The following GRHL2 variants were observed in gnomAD, a reference collection of about 807,000 sequenced individuals.
The protein encoded by GRHL2 is grainyhead-like protein 2 homolog.
GRHL2 carries 21 observed loss-of-function variants against 83.8 expected under a neutral mutation model. That is an observed-to-expected ratio of 0.25 (90% CI 0.18 to 0.36). GRHL2 has a LOEUF of 0.36. Among genes scored for constraint, GRHL2 ranks in the 10% least tolerant of loss-of-function variants. The probability of loss-of-function intolerance (pLI) is 1.00; values close to 1 mark genes in which losing one functional copy is unlikely to be tolerated. For missense variants in GRHL2, 623 were observed against 781.8 expected, an observed-to-expected ratio of 0.80 and a Z score of 2.42; for synonymous variants, 280 against 278.9, an observed-to-expected ratio of 1.00 and a Z score of -0.04.
chr8:101,619,603 C>T lies in GRHL2; in HGVS notation c.1163C>T (p.Pro388Leu), dbSNP rs1812922613. 6.2e-7 allele frequency: 1 copy of T among 1,613,242 alleles called. No individual in the cohort carries two copies. Among genetic ancestry groups the T allele is most frequent in the Admixed American group, 1.7e-5 (1 of 59,994 alleles). The change falls in exon 9 of 16, where the codon CCT becomes CTT. Residue 388 changes from proline (P) to leucine (L), a missense_variant. Transcript: ENST00000646743. ...TCCCAAAAAGGGGTGAAAGGACTTC[C>T]TTTGATGATTCAGATTGACACATAC... ...FSSQKGVKGL[P>L]LMIQIDTYSY...
rs7816116 is a variant in GRHL2, at chr8:101,600,924, A to G, written c.1098+1773A>G. Among the ~76,000 whole-genome samples, 1,203 of 152,280 alleles carry G rather than the reference A, an allele frequency of 7.9e-3. 33 individuals are homozygous for G. In the East Asian group the frequency reaches 0.11, roughly 13 times the overall value. On this transcript the variant is annotated intron_variant, in intron 8 of 15. Coordinates refer to ENST00000646743, the MANE Select transcript of GRHL2 (RefSeq NM_024915.4). ...TGTAACCCCAGCACTTTGAGAGGCC[A>G]AGGTGGGAGGATCCTTGAGGCCAGA... is the stretch of plus-strand genomic sequence containing the variant.
chr8:101,644,996 C>A (rs1262338987), intron 13 of GRHL2, among the ~76,000 whole-genome samples: 1 of 152,090 alleles, frequency 6.6e-6, no homozygotes, highest in Admixed American at 6.5e-5. Context: ...TACAGGCATG[C>A]ACCACCATGT....
chr8:101,571,380 G>A (rs1411810221), intron 5 of GRHL2, among the ~76,000 whole-genome samples: 1 of 152,000 alleles, frequency 6.6e-6, no homozygotes, highest in Non-Finnish European at 1.5e-5. Context: ...TGGCAGCTGG[G>A]CGTGGTGGCT....
chr8:101,493,153 C>T (rs940675095), intron 1 of GRHL2, among the ~76,000 whole-genome samples: 2 of 152,108 alleles, frequency 1.3e-5, no homozygotes, highest in Admixed American at 1.3e-4. Context: ...TAGCTGCTCC[C>T]ACCGATCTGG....
intron 2 of GRHL2, among the ~76,000 whole-genome samples, chr8:101,547,508 A>G (rs1811290519): frequency 6.6e-6 from 1 of 152,188 alleles, no homozygotes; most frequent in African/African-American, 2.4e-5. Context: ...AACGTGGCAA[A>G]GGCATACCTT....
chr8:101,615,832 C>CT (rs1442396775), intron 8 of GRHL2, among the ~76,000 whole-genome samples: 1 of 152,160 alleles, frequency 6.6e-6, no homozygotes. Context: ...CCTAGCACAG[C>CT]TTCAGGAACT....
intron 1 of GRHL2, among the ~76,000 whole-genome samples, chr8:101,495,626 A>G (rs1343316489): frequency 6.6e-6 from 1 of 152,160 alleles, no homozygotes; most frequent in Non-Finnish European, 1.5e-5. Flanking sequence ...GTACTATGTG[A>G]TTTGATACTC....
At chr8:101,591,008 A>T (rs1812269469) in intron 7 of GRHL2, among the ~76,000 whole-genome samples, 1 of 152,260 alleles carries the variant, frequency 6.6e-6, no homozygotes, top group Non-Finnish European at 1.5e-5. Context: ...AGGTGGAGGA[A>T]TTAACACTGC....
chr8:101,497,864 G>T (rs1810139824), intron 1 of GRHL2, among the ~76,000 whole-genome samples: 1 of 152,188 alleles, frequency 6.6e-6, no homozygotes, highest in African/African-American at 2.4e-5. Context: ...CTTCAGATAT[G>T]ATTTTAACAT....
At chr8:101,678,749 T>C in the GRHL2 span, among the ~76,000 whole-genome samples, 839 of 151,976 alleles carry the variant, frequency 5.5e-3, 1 homozygote, top group African/African-American at 0.019. Flanking sequence ...ACGGGCAGAC[T>C]GCCTCCTCAA....
chr8:101,568,336 C>A (rs539946609), intron 4 of GRHL2, among the ~76,000 whole-genome samples: 2 of 152,372 alleles, frequency 1.3e-5, no homozygotes, highest in Non-Finnish European at 2.9e-5. Context: ...CATTTGTACT[C>A]ATCGTTTTTG....
At chr8:101,499,436 T>G (rs1409972184) in intron 1 of GRHL2, among the ~76,000 whole-genome samples, 2 of 150,454 alleles carry the variant, frequency 1.3e-5, no homozygotes, top group African/African-American at 5.0e-5. Flanking sequence ...AATGTCACTT[T>G]CCTGGTTTTT....
chr8:101,617,159 C>T (rs1268327068), intron 8 of GRHL2, among the ~76,000 whole-genome samples: 2 of 152,018 alleles, frequency 1.3e-5, no homozygotes, highest in Non-Finnish European at 2.9e-5. Flanking sequence ...TGATGGTCCT[C>T]GTGTTGTACC....
chr8:101,569,205 T>C (rs533622939), intron 4 of GRHL2, among the ~76,000 whole-genome samples: 1 of 152,302 alleles, frequency 6.6e-6, no homozygotes, highest in African/African-American at 2.4e-5. Context: ...GGGCTTTTGG[T>C]CGTCTACTTT....
In GRHL2 at chr8:101,619,442, G is replaced by C. The variant is rs1360355877; in HGVS notation, c.1099-97G>C. ...AAATATTCTTCAGTTGTCTTTATGG[G>C]GTTGTTTAGTATTTTGACTTAAAGT... On this transcript the variant is annotated intron_variant, in intron 8 of 15. Coordinates refer to ENST00000646743, the MANE Select transcript of GRHL2 (RefSeq NM_024915.4). 1.7e-5 allele frequency: 17 copies of C among 972,202 alleles called. No homozygotes were observed. In the East Asian group the frequency reaches 3.8e-4, roughly 22 times the overall value. The allele number at this position is 972,202 out of a possible 1,614,324, so 60.2% of individuals were successfully genotyped here.
chr8:101,564,812 CAAAAA>C (rs3035637), intron 4 of GRHL2, among the ~76,000 whole-genome samples: 1 of 109,768 alleles, frequency 9.1e-6, no homozygotes, highest in African/African-American at 3.6e-5. Flanking sequence ...GCCCTGTCTC[CAAAAA>C]AAAAAAAAAA....
chr8:101,596,076 C>T (rs1812384099), intron 7 of GRHL2, among the ~76,000 whole-genome samples: 3 of 151,794 alleles, frequency 2.0e-5, no homozygotes, highest in Admixed American at 6.6e-5. Flanking sequence ...GCTGAGATTG[C>T]ACCACTGCAC....
At chr8:101,621,447 A>C (rs529495416) in intron 9 of GRHL2, among the ~76,000 whole-genome samples, 1 of 152,330 alleles carries the variant, frequency 6.6e-6, no homozygotes, top group African/African-American at 2.4e-5. Context: ...AAAGATTAAA[A>C]TAGATTAGAA....
At chr8:101,638,222 A>G (rs547130417) in intron 12 of GRHL2, among the ~76,000 whole-genome samples, 15 of 152,190 alleles carry the variant, frequency 9.9e-5, no homozygotes, top group Non-Finnish European at 1.8e-4. Flanking sequence ...CTTGCAAAAC[A>G]TTTCACAGTT....
Sources: allele counts gnomAD v4.1 joint callset (sites outside exome capture counted in the v4.1 genomes callset), GRCh38; gene constraint gnomAD v4.1.1; transcripts MANE v1.5; gene names NCBI Gene and HGNC (gene_info 2026-07-23, HGNC 2026-07-21).